The following SELENOF variants were observed in gnomAD, a reference collection of about 807,000 sequenced individuals.
SELENOF encodes selenoprotein F, also known as 15 kDa selenoprotein.
A neutral mutation model predicts 20.5 loss-of-function variants in SELENOF; 16 were observed. That is an observed-to-expected ratio of 0.78 (90% CI 0.53 to 1.19). The LOEUF (loss-of-function observed/expected upper bound fraction) is 1.19, where lower values mean the gene tolerates loss of function less well. Among genes scored for constraint, SELENOF ranks in the 50% most tolerant of loss-of-function variants. SELENOF has a pLI of 0.00. For synonymous variants in SELENOF, 78 were observed against 74.5 expected, an observed-to-expected ratio of 1.05 and a Z score of -0.24; for missense variants, 215 against 194.2, an observed-to-expected ratio of 1.11 and a Z score of -0.64.
chr1:86,885,207 A>G (rs978344354), intron 2 of SELENOF, among the ~76,000 whole-genome samples: 1 of 152,190 alleles, frequency 6.6e-6, no homozygotes, highest in African/African-American at 2.4e-5. Context: ...CTGAAATCCA[A>G]AACACTTCTA....
At chr1:86,867,207 C>A (rs1658622481) in intron 4 of SELENOF, among the ~76,000 whole-genome samples, 1 of 151,958 alleles carries the variant, frequency 6.6e-6, no homozygotes, top group Non-Finnish European at 1.5e-5. Context: ...TCAGTGGTGG[C>A]CAGGCGCAGT....
At position 86,863,170 on chromosome 1, in the gene SELENOF, G is replaced by C; in HGVS notation, c.*304C>G. 4.3e-6 allele frequency: 1 copy of C among 230,352 alleles called. No homozygotes were observed. Among genetic ancestry groups the C allele is most frequent in the African/African-American group, 2.3e-5 (1 of 43,616 alleles). The allele number at this position is 230,352 out of a possible 1,614,324, so 14.3% of individuals were successfully genotyped here. A position where few individuals can be genotyped will look rare whatever the true frequency, so the allele number is the denominator to read the frequency against. On this transcript the variant is annotated 3_prime_UTR_variant, in exon 5 of 5. Transcript: ENST00000331835. ...TCTCTAATTTAGAAATCTGTTGTTC[G>C]TAAAACTGGACCAATTATCACAAAC... is the stretch of plus-strand genomic sequence containing the variant.
chr1:86,897,148 A>C (rs1301781989), intron 2 of SELENOF, among the ~76,000 whole-genome samples: 3 of 152,252 alleles, frequency 2.0e-5, no homozygotes, highest in Non-Finnish European at 4.4e-5. Flanking sequence ...TCTACTAAAA[A>C]TACAAAAAAT....
At chr1:86,897,667 T>C (rs1659561662) in intron 2 of SELENOF, among the ~76,000 whole-genome samples, 1 of 152,226 alleles carries the variant, frequency 6.6e-6, no homozygotes, top group Non-Finnish European at 1.5e-5. Flanking sequence ...AACAGGTTCT[T>C]GCATTATTCC....
intron 2 of SELENOF, among the ~76,000 whole-genome samples, chr1:86,896,075 A>G (rs560671668): frequency 1.3e-5 from 2 of 152,244 alleles, no homozygotes; most frequent in South Asian, 2.1e-4. Flanking sequence ...TAAAAATACA[A>G]AAACTAGCCG....
intron 2 of SELENOF, among the ~76,000 whole-genome samples, chr1:86,898,161 T>C (rs1335656627): frequency 6.6e-6 from 1 of 152,214 alleles, no homozygotes; most frequent in African/African-American, 2.4e-5. Context: ...ACCAATAATG[T>C]CTGTAAATTA....
chr1:86,863,208 A>T lies in SELENOF; in HGVS notation c.*266T>A. The T allele has an allele frequency of 9.8e-6, 3 of 306,636 alleles. No individual in the cohort carries two copies. Among genetic ancestry groups the T allele is most frequent in the African/African-American group, 4.3e-5 (2 of 46,060 alleles). The allele number at this position is 306,636 out of a possible 1,614,324, so 19.0% of individuals were successfully genotyped here. A position where few individuals can be genotyped will look rare whatever the true frequency, so the allele number is the denominator to read the frequency against. ...AATTATCACAAACTATCATTTGCAT[A>T]ATTAACCGCAAGTCTGTTACAAAGC... On this transcript the variant is annotated 3_prime_UTR_variant, in exon 5 of 5. Coordinates refer to ENST00000331835, the MANE Select transcript of SELENOF (RefSeq NM_004261.5).
At chr1:86,889,011 T>A (rs996567966) in intron 2 of SELENOF, among the ~76,000 whole-genome samples, 1 of 152,292 alleles carries the variant, frequency 6.6e-6, no homozygotes, top group African/African-American at 2.4e-5. Flanking sequence ...ACAAATTAAA[T>A]TGTGGTATCT....
In SELENOF at chr1:86,903,456, T is replaced by TA. The variant is rs755356557; in HGVS notation, c.85-9dup. 4.4e-6 allele frequency: 7 copies of TA among 1,579,214 alleles called. No homozygotes were observed. The Admixed American group carries it at 5.6e-5, about 13-fold the overall frequency. On this transcript the variant is annotated splice_polypyrimidine_tract_variant and intron_variant, in intron 1 of 4. Coordinates refer to ENST00000331835, the MANE Select transcript of SELENOF (RefSeq NM_004261.5). The stretch of plus-strand genomic sequence containing the variant: ...TGCCCCAAAAGCAGACACCTGAAAA[T>TA]AAAAAATGGGAAATAAAACACAATT...
intron 1 of SELENOF, chr1:86,913,742 C>T: frequency 8.1e-6 from 3 of 371,072 alleles, no homozygotes; most frequent in South Asian, 4.8e-5. Flanking sequence ...TATTATTCCC[C>T]CCTCCCACCT....
rs188836238 is a variant in SELENOF, at chr1:86,895,602, T to C, written c.252+7679A>G. ...CGCTGAGTAGCAGAGAATATCTGAA[T>C]CTAGACAGTCTGGTTCTATAGTCTA... On this transcript the variant is annotated intron_variant, in intron 2 of 4. Coordinates refer to ENST00000331835, the MANE Select transcript of SELENOF (RefSeq NM_004261.5). 4.6e-3 allele frequency among the ~76,000 whole-genome samples: 707 copies of C among 152,370 alleles called. 2 individuals carry two copies. The highest frequency in any genetic ancestry group is 0.012 in the Admixed American group (188 of 15,302).
intron 2 of SELENOF, among the ~76,000 whole-genome samples, chr1:86,883,365 G>T (rs1362717810): frequency 6.6e-6 from 1 of 152,114 alleles, no homozygotes; most frequent in Middle Eastern, 3.2e-3. Flanking sequence ...GGTTAACACA[G>T]TTGTACAACA....
At chr1:86,870,398 C>T (rs1168458744) in intron 3 of SELENOF, among the ~76,000 whole-genome samples, 6 of 152,152 alleles carry the variant, frequency 3.9e-5, no homozygotes, top group Non-Finnish European at 8.8e-5. Context: ...ACTCCTGAAT[C>T]CCCAAACAAA....
In SELENOF at chr1:86,914,117, G is replaced by A. The variant is rs189760393; in HGVS notation, c.-6C>T. 3 of 1,611,500 alleles carry A rather than the reference G, an allele frequency of 1.9e-6. No homozygotes were observed. Among genetic ancestry groups the A allele is most frequent in the East Asian group, 2.2e-5 (1 of 44,866 alleles). ...CCAGCCGCCATCGCTACCATTTTCC[G>A]CAGGTTTCTGGCTGCCTAGAAGGAC... is the stretch of plus-strand genomic sequence containing the variant. On this transcript the variant is annotated 5_prime_UTR_variant, in exon 1 of 5. Coordinates refer to ENST00000331835, the MANE Select transcript of SELENOF (RefSeq NM_004261.5).
intron 2 of SELENOF, among the ~76,000 whole-genome samples, chr1:86,899,807 C>T (rs1182671565): frequency 2.0e-5 from 3 of 146,646 alleles, no homozygotes; most frequent in African/African-American, 5.1e-5. Flanking sequence ...GGCTGCCGGG[C>T]GGAGGGGCTC....
chr1:86,907,049 T>C (rs796378354), intron 1 of SELENOF, among the ~76,000 whole-genome samples: 31 of 152,358 alleles, frequency 2.0e-4, no homozygotes, highest in African/African-American at 7.5e-4. Context: ...ATGGAGCACC[T>C]ACTGACAGGT....
chr1:86,869,254 G>A (rs532808192), intron 3 of SELENOF, among the ~76,000 whole-genome samples: 19 of 152,238 alleles, frequency 1.2e-4, no homozygotes, highest in African/African-American at 4.6e-4. Context: ...TTATTCTGAG[G>A]AAATAACTTA....
Position 86,914,011 on chromosome 1 carries a change from A to T in SELENOF, c.84+17T>A. On this transcript the variant is annotated intron_variant, in intron 1 of 4. Transcript: ENST00000331835. ...CCTACTCTCCCTGTGGCAGCTGCGAAGGTGATCTACACTCACCGCTTGAAG... is the reference window on the plus strand; with the variant it reads ...CCTACTCTCCCTGTGGCAGCTGCGATGGTGATCTACACTCACCGCTTGAAG... 6.3e-7 allele frequency: 1 copy of T among 1,593,610 alleles called. No individual in the cohort carries two copies. The highest frequency in any genetic ancestry group is 2.3e-5 in the East Asian group (1 of 44,296).
intron 1 of SELENOF, chr1:86,913,705 AAAC>A (rs1451578086): frequency 3.5e-6 from 1 of 283,424 alleles, no homozygotes; most frequent in African/African-American, 2.1e-5. Flanking sequence ...GTCCATTTAA[AAAC>A]AACCTCCACT....
Sources: allele counts gnomAD v4.1 joint callset (sites outside exome capture counted in the v4.1 genomes callset), GRCh38; gene constraint gnomAD v4.1.1; transcripts MANE v1.5; gene names NCBI Gene and HGNC (gene_info 2026-07-23, HGNC 2026-07-21).